INVS: variants seen among roughly 807,000 people sequenced by gnomAD.
The protein encoded by INVS is inversion of embryo turning homolog.
In INVS, 86 loss-of-function variants were observed where a neutral mutation model predicts 108.8. The ratio of observed to expected loss-of-function variants is 0.79; its 90% CI spans 0.66 to 0.95. The LOEUF (loss-of-function observed/expected upper bound fraction) is 0.95. Ranked by LOEUF, INVS falls within the 40% of genes least tolerant of loss-of-function variation. The pLI is 0.00. For synonymous variants in INVS, 455 were observed against 473.5 expected (o/e 0.96, Z 0.51); for missense variants, 1,169 against 1,297.4 (o/e 0.90, Z 1.52).
At position 100,301,807 on chromosome 9, in the gene INVS, C is replaced by T. The variant is rs1833980960; in HGVS notation, c.*1133C>T. On this transcript the variant is annotated 3_prime_UTR_variant, in exon 17 of 17. Coordinates refer to ENST00000262457, the MANE Select transcript of INVS (RefSeq NM_014425.5). ...CTTAATTACCTTGGTTTTTAGTTTA[C>T]TAATTATTACATTCATCGTTTTTGT... Among the ~76,000 whole-genome samples, 2 of 152,098 alleles carry T rather than the reference C, an allele frequency of 1.3e-5. No individual in the cohort carries two copies. The highest frequency in any genetic ancestry group is 2.4e-5 in the African/African-American group (1 of 41,406).
intron 2 of INVS, among the ~76,000 whole-genome samples, chr9:100,112,284 C>A (rs1420280280): frequency 6.6e-6 from 1 of 152,178 alleles, no homozygotes; most frequent in Non-Finnish European, 1.5e-5. Flanking sequence ...GGGATATATA[C>A]TTTCAATTTC....
In INVS at chr9:100,122,392, G is replaced by T. The variant is rs1827749619; in HGVS notation, c.107-3991G>T. Reference sequence around the variant, plus strand: ...CATTTAGGAATTTTATGTATTCTTGGTGAATTGACCCTTTTATTGTTATAT... The same window carrying T: ...CATTTAGGAATTTTATGTATTCTTGTTGAATTGACCCTTTTATTGTTATAT... On this transcript the variant is annotated intron_variant, in intron 2 of 16. Transcript: ENST00000262457. Among the ~76,000 whole-genome samples the T allele has an allele frequency of 4.6e-5, 7 of 151,910 alleles. No homozygotes were observed. The South Asian group carries it at 1.5e-3, about 32-fold the overall frequency.
Position 100,154,331 on chromosome 9 carries a change from A to ATTTTTTTTTTTTTTTTTTTTTTTTTT in INVS, c.273+27785_273+27810dup, listed in dbSNP as rs780090630. 5.1e-4 allele frequency among the ~76,000 whole-genome samples: 35 copies of ATTTTTTTTTTTTTTTTTTTTTTTTTT among 68,570 alleles called. 2 individuals are homozygous for ATTTTTTTTTTTTTTTTTTTTTTTTTT. Among genetic ancestry groups the ATTTTTTTTTTTTTTTTTTTTTTTTTT allele is most frequent in the African/African-American group, 7.7e-4 (10 of 12,992 alleles). 45.0% of individuals were successfully genotyped at this position (68,570 alleles called of 152,430 possible). A position where few individuals can be genotyped will look rare whatever the true frequency, so the allele number is the denominator to read the frequency against. ...AGGTGTGTGCCACCACAACCGACTAATTTTTTTTTTTTTTTTTTTTTTTTT... is the reference window on the plus strand; with the variant it reads ...AGGTGTGTGCCACCACAACCGACTAATTTTTTTTTTTTTTTTTTTTTTTTTTTTTTTTTTTTTTTTTTTTTTTTTTT... On this transcript the variant is annotated intron_variant, in intron 3 of 16. Coordinates refer to ENST00000262457, the MANE Select transcript of INVS (RefSeq NM_014425.5).
chr9:100,145,875 A>G (rs578127815), intron 3 of INVS, among the ~76,000 whole-genome samples: 3 of 152,248 alleles, frequency 2.0e-5, no homozygotes, highest in Middle Eastern at 3.4e-3. Flanking sequence ...AAGAGAAGGG[A>G]GAGATTGAAG....
rs2787379 is a variant in INVS, at chr9:100,283,799, C to A, written c.1785-521C>A. 1.6e-4 allele frequency among the ~76,000 whole-genome samples: 24 copies of A among 152,152 alleles called. No homozygotes were observed. In the South Asian group the frequency reaches 4.8e-3, roughly 30 times the overall value. On this transcript the variant is annotated intron_variant, in intron 12 of 16. Transcript: ENST00000262457. Reference sequence around the variant, plus strand: ...TAGCTAGAGCTGTCAACGGCAGCATCTGCAACTCACAGGTGTGTTTTAATC... The same window carrying A: ...TAGCTAGAGCTGTCAACGGCAGCATATGCAACTCACAGGTGTGTTTTAATC...
intron 2 of INVS, among the ~76,000 whole-genome samples, chr9:100,109,537 A>G (rs1827276373): frequency 6.6e-6 from 1 of 152,234 alleles, no homozygotes; most frequent in Non-Finnish European, 1.5e-5. Flanking sequence ...ATTACTGCCA[A>G]TAATATTTGA....
intron 11 of INVS, among the ~76,000 whole-genome samples, chr9:100,265,347 T>G (rs1288821332): frequency 2.6e-5 from 4 of 152,222 alleles, no homozygotes; most frequent in African/African-American, 4.8e-5. Flanking sequence ...ATAACTATAC[T>G]CATAATAAAA....
At chr9:100,124,307 TAG>T (rs1827817482) in intron 2 of INVS, among the ~76,000 whole-genome samples, 1 of 152,046 alleles carries the variant, frequency 6.6e-6, no homozygotes, top group Non-Finnish European at 1.5e-5. Context: ...TATCACTAAT[TAG>T]GTCCCTTTAC....
intron 3 of INVS, among the ~76,000 whole-genome samples, chr9:100,196,574 G>A (rs1830381131): frequency 6.6e-6 from 1 of 151,842 alleles, no homozygotes; most frequent in Non-Finnish European, 1.5e-5. Context: ...CATGCTGAGG[G>A]GGGCCCAGCA....
At chr9:100,152,885 T>C (rs540071569) in intron 3 of INVS, among the ~76,000 whole-genome samples, 20 of 152,286 alleles carry the variant, frequency 1.3e-4, no homozygotes, top group African/African-American at 4.1e-4. Context: ...GTCATCTCTT[T>C]TCAAGCCATT....
chr9:100,263,650 A>G (rs576632059), intron 10 of INVS, among the ~76,000 whole-genome samples: 3 of 152,306 alleles, frequency 2.0e-5, no homozygotes, highest in Admixed American at 6.5e-5. Context: ...AATTCCATCT[A>G]CAACCTTAAT....
At chr9:100,197,931 CAG>C (rs1320510418) in intron 3 of INVS, among the ~76,000 whole-genome samples, 1 of 151,838 alleles carries the variant, frequency 6.6e-6, no homozygotes, top group African/African-American at 2.4e-5. Flanking sequence ...AGCAGAAGGT[CAG>C]AGAGAGAGAT....
intron 3 of INVS, among the ~76,000 whole-genome samples, chr9:100,182,702 C>G (rs566958936): frequency 2.0e-5 from 3 of 152,260 alleles, no homozygotes; most frequent in Admixed American, 2.0e-4. Flanking sequence ...TTAGTTCAAC[C>G]TTTGTGAAGA....
At chr9:100,206,492 CCTT>C (rs1432971657) in intron 3 of INVS, among the ~76,000 whole-genome samples, 1 of 151,890 alleles carries the variant, frequency 6.6e-6, no homozygotes, top group Non-Finnish European at 1.5e-5. Context: ...TGTGCTTTAT[CCTT>C]CTCTCTACTT....
chr9:100,232,902 G>A (rs1220074095), intron 5 of INVS, among the ~76,000 whole-genome samples: 1 of 152,066 alleles, frequency 6.6e-6, no homozygotes, highest in Admixed American at 6.6e-5. Flanking sequence ...AAAGTCAATG[G>A]TAGCTTGATG....
intron 3 of INVS, among the ~76,000 whole-genome samples, chr9:100,140,351 G>A (rs1399777787): frequency 6.6e-6 from 1 of 152,110 alleles, no homozygotes; most frequent in East Asian, 1.9e-4. Context: ...AGTCAAAGGG[G>A]GGTTGTTCTC....
chr9:100,236,821 G>C (rs1480694755), intron 5 of INVS, among the ~76,000 whole-genome samples: 1 of 152,204 alleles, frequency 6.6e-6, no homozygotes, highest in African/African-American at 2.4e-5. Context: ...GTCTCCCAGT[G>C]AGGAGGCACA....
chr9:100,297,983 G>A lies in INVS; in HGVS notation c.3064G>A (p.Ala1022Thr). The A allele has an allele frequency of 1.2e-6, 2 of 1,614,178 alleles. No homozygotes were observed. The highest frequency in any genetic ancestry group is 1.7e-6 in the Non-Finnish European group (2 of 1,179,990). ...ACATCATCCTACAAGATCTGTAAAA[G>A]CCTCTTCTGTGCTGCGTCTCAACTC... Reference protein sequence around the residue: ...KIHHPTRSVKASSVLRLNSVS... With the variant: ...KIHHPTRSVKTSSVLRLNSVS... Residue 1022 changes from alanine to threonine, a missense_variant, in exon 16 of 17, where the codon GCC becomes ACC. Physicochemically the swap from Ala to Thr is moderately conservative, Grantham distance 58. Around this residue, in one of 3 missense-constraint regions of INVS, gnomAD observed 533 missense variants for 536.0 expected, o/e 0.99. Coordinates refer to ENST00000262457, the MANE Select transcript of INVS (RefSeq NM_014425.5).
chr9:100,236,599 T>TC (rs1424454535), intron 5 of INVS, among the ~76,000 whole-genome samples: 1 of 152,198 alleles, frequency 6.6e-6, no homozygotes, highest in African/African-American at 2.4e-5. Context: ...TAGTTTTCCT[T>TC]CTAATAGTCA....
Sources: gnomAD v4.1 joint callset for allele counts (sites outside exome capture counted in the v4.1 genomes callset) on GRCh38, gnomAD v4.1.1 for gene constraint, gnomAD v4.1.1 regional missense constraint, MANE v1.5 for transcripts, NCBI Gene and HGNC (gene_info 2026-07-23, HGNC 2026-07-21) for gene names.